CLIP1: variants seen among roughly 807,000 people sequenced by gnomAD.
CLIP1 encodes the protein CAP-Gly domain containing linker protein 1, also known as CAP-Gly domain-containing linker protein 1.
CLIP1 carries 66 observed loss-of-function variants against 161.6 expected under a neutral mutation model. The observed-to-expected ratio is 0.41, with a 90% CI of 0.33 to 0.50. The LOEUF (loss-of-function observed/expected upper bound fraction) is 0.50, where lower values mean the gene tolerates loss of function less well. Among genes scored for constraint, CLIP1 ranks in the 20% least tolerant of loss-of-function variants. The pLI is 0.27. For missense variants in CLIP1, 1,376 were observed against 1,702.0 expected (o/e 0.81, Z 3.37); for synonymous variants, 598 against 626.2 (o/e 0.96, Z 0.67).
Position 122,355,131 on chromosome 12 carries a change from C to T in CLIP1, c.1187G>A (p.Arg396Gln), listed in dbSNP as rs747451046. ...AGACTTCACCTGGTCATGTCCGTCC[C>T]GGGCCAGAGCTAGCTCCTGCTCTAT... ...GEIEQELALA[R>Q]DGHDQHVLEL... Residue 396 changes from arginine (R) to glutamine (Q), a missense_variant, in exon 6 of 26, where the codon CGG (arginine) becomes CAG (glutamine). This residue lies in a region of CLIP1 where 211 missense variants were observed against 295.1 expected (regional missense o/e 0.72). Transcript: ENST00000620786. The surrounding 1 kb of genome is among the most constrained non-coding windows in gnomAD (Gnocchi z 4.1). The T allele has an allele frequency of 3.0e-5, 49 of 1,613,996 alleles. No homozygotes were observed. The highest frequency in any genetic ancestry group is 8.9e-5 in the East Asian group (4 of 44,898).
At chr12:122,356,668 T>C (rs958998591) in intron 5 of CLIP1, among the ~76,000 whole-genome samples, 9 of 151,884 alleles carry the variant, frequency 5.9e-5, no homozygotes, top group Non-Finnish European at 1.3e-4. Flanking sequence ...TCTCTTTCCA[T>C]GGTCTCCCTC....
intron 20 of CLIP1, among the ~76,000 whole-genome samples, chr12:122,295,796 A>T (rs1950445921): frequency 6.6e-6 from 1 of 152,222 alleles, no homozygotes; most frequent in African/African-American, 2.4e-5. Context: ...CTCTGTTATT[A>T]GGTACATCTA....
At chr12:122,325,163 T>C (rs1951663907) in intron 17 of CLIP1, among the ~76,000 whole-genome samples, 1 of 150,838 alleles carries the variant, frequency 6.6e-6, no homozygotes, top group South Asian at 2.1e-4. Flanking sequence ...GTTCAAGCTA[T>C]TCTCATGCCT....
intron 1 of CLIP1, among the ~76,000 whole-genome samples, chr12:122,405,244 G>A (rs1056137049): frequency 8.6e-5 from 13 of 151,972 alleles, no homozygotes; most frequent in African/African-American, 2.2e-4. Context: ...TCCTGTTGCC[G>A]TCATTGCCTA....
chr12:122,411,681 T>C (rs1352358646), intron 1 of CLIP1, among the ~76,000 whole-genome samples: 1 of 152,168 alleles, frequency 6.6e-6, no homozygotes, highest in Non-Finnish European at 1.5e-5. Flanking sequence ...ATGTCCAGAA[T>C]AAACAAATCT....
rs1167981069 is a variant in CLIP1, at chr12:122,364,213, C to T, written c.658-106G>A. The T allele has an allele frequency of 5.8e-5, 79 of 1,359,550 alleles. No individual in the cohort carries two copies. The East Asian group carries it at 1.9e-3, about 32-fold the overall frequency. The allele number at this position is 1,359,550 out of a possible 1,614,324, so 84.2% of individuals were successfully genotyped here. A position where few individuals can be genotyped will look rare whatever the true frequency, so the allele number is the denominator to read the frequency against. Reference sequence around the variant, plus strand: ...TACTACATTCCATCATTTCCACCAGCAACTTCTTTGCTTTAGCTTCTCTTT... The same window carrying T: ...TACTACATTCCATCATTTCCACCAGTAACTTCTTTGCTTTAGCTTCTCTTT... On this transcript the variant is annotated intron_variant, in intron 3 of 25. Transcript: ENST00000620786.
intron 2 of CLIP1, among the ~76,000 whole-genome samples, chr12:122,378,571 G>T (rs1954854611): frequency 6.6e-6 from 1 of 152,028 alleles, no homozygotes; most frequent in Non-Finnish European, 1.5e-5. Context: ...CCTTTTTCCA[G>T]GCCTATATTC....
Position 122,286,774 on chromosome 12 carries a change from G to A in CLIP1, c.3647+1715C>T, listed in dbSNP as rs923021012. Among the ~76,000 whole-genome samples the A allele has an allele frequency of 1.4e-4, 22 of 152,028 alleles. 1 individual carries two copies. Among genetic ancestry groups the A allele is most frequent in the South Asian group, 2.1e-4 (1 of 4,818 alleles). ...AGCACTTTGGGAGGCTGAGGCAGGC[G>A]GATCACGACGTCAGGAGATAGAGAC... On this transcript the variant is annotated intron_variant, in intron 21 of 25. Transcript: ENST00000620786.
intron 18 of CLIP1, among the ~76,000 whole-genome samples, chr12:122,318,506 C>T (rs1042569813): frequency 6.6e-6 from 1 of 152,124 alleles, no homozygotes; most frequent in Admixed American, 6.5e-5. Context: ...GCACAACAGC[C>T]TGGGCAACAA....
Position 122,365,556 on chromosome 12 carries a change from G to C in CLIP1, c.658-1449C>G, listed in dbSNP as rs7976580. On this transcript the variant is annotated intron_variant, in intron 3 of 25. Coordinates refer to ENST00000620786, the MANE Select transcript of CLIP1 (RefSeq NM_001247997.2). The stretch of plus-strand genomic sequence containing the variant: ...CTCAAGCGCCAGCCTGCTCCACCCA[G>C]AGAAGCACACTTTGTGAGAACCAAT... The C allele has an allele frequency of 0.017, 20,433 of 1,192,442 alleles. 2,893 individuals carry two copies. The African/African-American group carries it at 0.27, about 16-fold the overall frequency. 73.9% of individuals were successfully genotyped at this position (1,192,442 alleles called of 1,614,324 possible). A position where few individuals can be genotyped will look rare whatever the true frequency, so the allele number is the denominator to read the frequency against.
At chr12:122,343,386 G>C (rs1952599339) in intron 10 of CLIP1, 1 of 152,054 alleles carries the variant, frequency 6.6e-6, no homozygotes, top group Non-Finnish European at 1.5e-5. Flanking sequence ...ACCCACCTTG[G>C]CCTCCCAAAG....
intron 8 of CLIP1, among the ~76,000 whole-genome samples, chr12:122,351,582 T>A (rs1953039170): frequency 6.6e-6 from 1 of 152,188 alleles, no homozygotes; most frequent in Admixed American, 6.5e-5. Flanking sequence ...GAGTTGCTGT[T>A]TGGAAGGGCC....
chr12:122,395,013 T>G (rs1318002823), intron 1 of CLIP1, among the ~76,000 whole-genome samples: 1 of 152,170 alleles, frequency 6.6e-6, no homozygotes, highest in Non-Finnish European at 1.5e-5. Flanking sequence ...TGGTGACAAC[T>G]TCTCGATTGT....
intron 3 of CLIP1, among the ~76,000 whole-genome samples, chr12:122,376,549 C>G (rs1954743353): frequency 6.6e-6 from 1 of 152,042 alleles, no homozygotes; most frequent in Admixed American, 6.6e-5. Flanking sequence ...TCACTGCAAG[C>G]TCCGCCTCCT....
chr12:122,278,281 G>A (rs1955514191), intron 23 of CLIP1, 78 bp from the exon 24 acceptor site: 1 of 1,307,698 alleles, frequency 7.6e-7, no homozygotes, highest in African/African-American at 1.5e-5. Flanking sequence ...CTAAACTGCA[G>A]TGAAAGGGCC....
intron 15 of CLIP1, among the ~76,000 whole-genome samples, chr12:122,330,597 G>GTTTTTTTTTGTTTTTTTTTTTTTTTT (rs1951901515): frequency 9.9e-6 from 1 of 101,404 alleles, no homozygotes; most frequent in African/African-American, 4.4e-5. Flanking sequence ...GTATAATGCA[G>GTTTTTTTTTGTTTTTTTTTTTTTTTT]TTTTTTTTTT....
rs1248552987 is a variant in CLIP1 at position 122,323,847 on chromosome 12, TG to T, written c.3249+4099del. ...TTCTGAATGATGTCATCCTTATCTTTGGCCAAGATGAAGTTTTCGGTAATAA... is the reference window on the plus strand; with the variant it reads ...TTCTGAATGATGTCATCCTTATCTTTGCCAAGATGAAGTTTTCGGTAATAA... On this transcript the variant is annotated intron_variant, in intron 17 of 25. Coordinates refer to ENST00000620786, the MANE Select transcript of CLIP1 (RefSeq NM_001247997.2). This position sits in a 1 kb window ranked among gnomAD's most constrained non-coding sequence, Gnocchi z 4.1. The T allele has an allele frequency of 1.3e-5, 2 of 152,674 alleles. No individual in the cohort carries two copies. Among genetic ancestry groups the T allele is most frequent in the Non-Finnish European group, 2.9e-5 (2 of 68,058 alleles). 9.5% of individuals were successfully genotyped at this position (152,674 alleles called of 1,614,324 possible).
At chr12:122,288,838 C>T (rs1350705754) in intron 20 of CLIP1, among the ~76,000 whole-genome samples, 21 of 120,982 alleles carry the variant, frequency 1.7e-4, no homozygotes, top group African/African-American at 6.6e-4. Context: ...TTTTTTGAGA[C>T]GGAGTGTCGC....
chr12:122,416,667 G>A (rs890060425), intron 1 of CLIP1, among the ~76,000 whole-genome samples: 1 of 152,080 alleles, frequency 6.6e-6, no homozygotes, highest in Non-Finnish European at 1.5e-5. Flanking sequence ...TTGGGAAGCT[G>A]CAGTGGGTAG....
Sources: allele counts gnomAD v4.1 joint callset (sites outside exome capture counted in the v4.1 genomes callset), GRCh38; gene constraint gnomAD v4.1.1; regional missense constraint gnomAD v4.1.1; non-coding constraint Gnocchi (gnomAD v3.1); transcripts MANE v1.5; gene names NCBI Gene and HGNC (gene_info 2026-07-23, HGNC 2026-07-21).